PHF21B: variants seen among roughly 807,000 people sequenced by gnomAD.
The protein encoded by PHF21B is PHD finger protein 4.
Under a neutral mutation model 62.2 loss-of-function variants are expected in PHF21B, and 22 were observed. That is an observed-to-expected ratio of 0.35 (90% CI 0.25 to 0.51). PHF21B has a LOEUF of 0.51. Ranked by LOEUF, PHF21B falls within the 20% of genes least tolerant of loss-of-function variation. PHF21B has a pLI of 0.97. For synonymous variants in PHF21B, 341 were observed against 314.7 expected (o/e 1.08, Z -0.88); for missense variants, 701 against 707.9 (o/e 0.99, Z 0.11).
chr22:44,952,614 T>C (rs760848845), intron 2 of PHF21B, among the ~76,000 whole-genome samples: 63 of 152,238 alleles, frequency 4.1e-4, no homozygotes, highest in Non-Finnish European at 7.8e-4. Context: ...CTGCCTCTCA[T>C]GGAGAATATG....
chr22:44,982,779 G>C (rs1031060436), intron 2 of PHF21B, among the ~76,000 whole-genome samples: 1 of 152,192 alleles, frequency 6.6e-6, no homozygotes, highest in East Asian at 1.9e-4. Flanking sequence ...TTTTTAAGTA[G>C]CTCATTAGGG....
chr22:44,979,897 G>A (rs1241415648), intron 2 of PHF21B, among the ~76,000 whole-genome samples: 3 of 151,672 alleles, frequency 2.0e-5, no homozygotes, highest in Non-Finnish European at 2.9e-5. Context: ...GGTGAAACCC[G>A]GTCTCTACTA....
In PHF21B at chr22:44,882,816, C is replaced by G; in HGVS notation, c.*270G>C. The stretch of plus-strand genomic sequence containing the variant: ...TGGAAGCCAGAGGCCCAGGCAGCCC[C>G]GAGGTGGCCGGGGGGAGACTGTGTG... On this transcript the variant is annotated 3_prime_UTR_variant, in exon 13 of 13. Coordinates refer to ENST00000313237, the MANE Select transcript of PHF21B (RefSeq NM_138415.5). The G allele has an allele frequency of 7.2e-6, 3 of 415,242 alleles. No individual in the cohort carries two copies. Among genetic ancestry groups the G allele is most frequent in the Non-Finnish European group, 1.3e-5 (3 of 232,120 alleles). 25.7% of individuals were successfully genotyped at this position (415,242 alleles called of 1,614,324 possible).
intron 2 of PHF21B, among the ~76,000 whole-genome samples, chr22:44,932,309 C>T (rs1250284086): frequency 2.6e-5 from 4 of 152,170 alleles, no homozygotes; most frequent in Admixed American, 2.6e-4. Context: ...AGAGGAAAAA[C>T]ACAAGTGGTT....
chr22:44,896,298 G>T (rs12330062), intron 5 of PHF21B, among the ~76,000 whole-genome samples: 2 of 152,132 alleles, frequency 1.3e-5, no homozygotes, highest in African/African-American at 4.8e-5. Flanking sequence ...GGGCCTCCTT[G>T]AAAACACTGG....
Position 44,885,489 on chromosome 22 carries a change from A to G in PHF21B, c.1314T>C (p.Ser438=), listed in dbSNP as rs765848728. 5.1e-5 allele frequency: 81 copies of G among 1,599,874 alleles called. No homozygotes were observed. Among genetic ancestry groups the G allele is most frequent in the Non-Finnish European group, 6.6e-5 (77 of 1,173,548 alleles). ...GCTGCTGGTGCTCGTTCTGCAGCTC[A>G]CTGCCTCGTTGCAGCAGCTTCTGCT... is the stretch of plus-strand genomic sequence containing the variant. ...EEKQKLLQRG[S]ELQNEHQQLE... Residue 438 remains serine (S), a synonymous_variant, in exon 12 of 13, where the codon AGT becomes AGC. Coordinates refer to ENST00000313237, the MANE Select transcript of PHF21B (RefSeq NM_138415.5).
intron 2 of PHF21B, among the ~76,000 whole-genome samples, chr22:44,923,181 A>G (rs1365780880): frequency 6.6e-6 from 1 of 152,252 alleles, no homozygotes; most frequent in Non-Finnish European, 1.5e-5. Flanking sequence ...AAGTAGACTT[A>G]CACATACATA....
chr22:44,949,971 G>A (rs1426742218), intron 2 of PHF21B, among the ~76,000 whole-genome samples: 1 of 152,108 alleles, frequency 6.6e-6, no homozygotes, highest in African/African-American at 2.4e-5. Flanking sequence ...TTGGCTGGCC[G>A]GCATTTCTCC....
At chr22:44,946,938 G>C (rs561554920) in intron 2 of PHF21B, among the ~76,000 whole-genome samples, 2 of 152,194 alleles carry the variant, frequency 1.3e-5, no homozygotes, top group Non-Finnish European at 2.9e-5. Context: ...ACCTGGAAAC[G>C]GGGCACAGGA....
chr22:44,977,858 T>A (rs2072767483), intron 2 of PHF21B, among the ~76,000 whole-genome samples: 1 of 151,896 alleles, frequency 6.6e-6, no homozygotes, highest in African/African-American at 2.4e-5. Flanking sequence ...AAGTGTGTGA[T>A]TACAGGTGTG....
chr22:44,978,202 T>C (rs2072774186), intron 2 of PHF21B, among the ~76,000 whole-genome samples: 1 of 152,144 alleles, frequency 6.6e-6, no homozygotes, highest in Non-Finnish European at 1.5e-5. Flanking sequence ...TCCCCTCATC[T>C]TTACTAGATG....
At chr22:44,944,958 T>G (rs1184078137) in intron 2 of PHF21B, among the ~76,000 whole-genome samples, 2 of 112,532 alleles carry the variant, frequency 1.8e-5, no homozygotes, top group Non-Finnish European at 3.7e-5. Context: ...TTTCCTCCTC[T>G]GTGAATTAGA....
chr22:44,987,881 G>A (rs1221711577), intron 2 of PHF21B, among the ~76,000 whole-genome samples: 2 of 152,054 alleles, frequency 1.3e-5, no homozygotes, highest in East Asian at 1.9e-4. Flanking sequence ...CAGCAGGTGG[G>A]TAGATGGGAT....
At chr22:44,889,869 CA>C in intron 8 of PHF21B, 87 bp from the exon 9 acceptor site, 2 of 1,363,776 alleles carry the variant, frequency 1.5e-6, no homozygotes. Context: ...CCTCATGTGG[CA>C]AGGGCTCTTA....
Position 44,997,877 on chromosome 22 carries a change from C to A in PHF21B, c.120+10668G>T, listed in dbSNP as rs374999819. Among the ~76,000 whole-genome samples, 33 of 152,346 alleles carry A rather than the reference C, an allele frequency of 2.2e-4. No individual in the cohort carries two copies. In the East Asian group the frequency reaches 6.0e-3, roughly 28 times the overall value. The stretch of plus-strand genomic sequence containing the variant: ...AACAGACCCCTCTGCTGCCGCTTCG[C>A]ATAACGGAGGCCCGCCCTTCCAAAT... On this transcript the variant is annotated intron_variant, in intron 2 of 12. Coordinates refer to ENST00000313237, the MANE Select transcript of PHF21B (RefSeq NM_138415.5).
chr22:44,950,185 C>A (rs1034871677), intron 2 of PHF21B, among the ~76,000 whole-genome samples: 2 of 152,218 alleles, frequency 1.3e-5, no homozygotes, highest in African/African-American at 4.8e-5. Flanking sequence ...CATAACACAT[C>A]CTCATGCACA....
rs547247505 is a variant in PHF21B at position 44,997,537 on chromosome 22, G to A, written c.120+11008C>T. 6.6e-5 allele frequency among the ~76,000 whole-genome samples: 10 copies of A among 152,196 alleles called. No homozygotes were observed. In the East Asian group the frequency reaches 1.4e-3, roughly 21 times the overall value. ...GTGGTGCATTTATTACCACTGAGAC[G>A]CATTAATCACAGACTAGACTCGTAT... On this transcript the variant is annotated intron_variant, in intron 2 of 12. Coordinates refer to ENST00000313237, the MANE Select transcript of PHF21B (RefSeq NM_138415.5).
intron 2 of PHF21B, among the ~76,000 whole-genome samples, chr22:44,973,738 A>G (rs1456378633): frequency 2.6e-5 from 4 of 151,968 alleles, no homozygotes; most frequent in Admixed American, 2.6e-4. Context: ...CTGTATTCCC[A>G]GCTTTCTCAA....
At chr22:44,930,898 T>C (rs2071728817) in intron 2 of PHF21B, among the ~76,000 whole-genome samples, 1 of 152,192 alleles carries the variant, frequency 6.6e-6, no homozygotes, top group Non-Finnish European at 1.5e-5. Context: ...CCTGCAGCCC[T>C]TCCCCATCCT....
Sources: allele counts gnomAD v4.1 joint callset (sites outside exome capture counted in the v4.1 genomes callset), GRCh38; gene constraint gnomAD v4.1.1; transcripts MANE v1.5; gene names NCBI Gene and HGNC (gene_info 2026-07-23, HGNC 2026-07-21).